Variants in STXBP6 observed in about 807,000 individuals in gnomAD.
STXBP6 encodes the protein syntaxin binding protein 6.
STXBP6 carries 21 observed loss-of-function variants against 26.9 expected under a neutral mutation model. That is an observed-to-expected ratio of 0.78 (90% CI 0.55 to 1.12). STXBP6 has a LOEUF of 1.12. Among genes scored for constraint, STXBP6 ranks in the 50% most tolerant of loss-of-function variants. The pLI is 0.00. For missense variants in STXBP6, 232 were observed against 257.9 expected (o/e 0.90, Z 0.69); for synonymous variants, 97 against 92.6 (o/e 1.05, Z -0.27).
chr14:24,815,486 T>C (rs1358357355), intron 5 of STXBP6, among the ~76,000 whole-genome samples: 1 of 148,732 alleles, frequency 6.7e-6, no homozygotes, highest in African/African-American at 2.4e-5. Flanking sequence ...AGTATTATTT[T>C]ATAATAATAT....
chr14:24,870,484 T>C (rs1022720337), intron 2 of STXBP6, among the ~76,000 whole-genome samples: 1 of 152,170 alleles, frequency 6.6e-6, no homozygotes, highest in African/African-American at 2.4e-5. Context: ...TGGGAAGATA[T>C]CTCAAGACGT....
At chr14:24,933,616 G>A (rs902520439) in intron 2 of STXBP6, among the ~76,000 whole-genome samples, 3 of 151,282 alleles carry the variant, frequency 2.0e-5, no homozygotes, top group East Asian at 1.9e-4. Context: ...TTTTGCAGTC[G>A]ACACACTTTC....
chr14:25,023,661 A>C (rs970489584), intron 1 of STXBP6, among the ~76,000 whole-genome samples: 1 of 152,074 alleles, frequency 6.6e-6, no homozygotes, highest in Non-Finnish European at 1.5e-5. Context: ...AAAAAAAATT[A>C]TAAATAAGCC....
chr14:24,906,326 CAGAT>C (rs1048244934), intron 2 of STXBP6, among the ~76,000 whole-genome samples: 7 of 152,022 alleles, frequency 4.6e-5, no homozygotes, highest in East Asian at 3.9e-4. Flanking sequence ...ATTTAAAACT[CAGAT>C]AGGTGTATGG....
intron 2 of STXBP6, among the ~76,000 whole-genome samples, chr14:24,901,502 C>A (rs1200361191): frequency 6.6e-6 from 1 of 152,166 alleles, no homozygotes; most frequent in East Asian, 1.9e-4. Context: ...CATAATGCAG[C>A]AATTCTACTC....
At chr14:24,992,468 T>C (rs1401317511) in intron 1 of STXBP6, among the ~76,000 whole-genome samples, 1 of 152,112 alleles carries the variant, frequency 6.6e-6, no homozygotes, top group Non-Finnish European at 1.5e-5. Flanking sequence ...AAACACCTAA[T>C]GCAGGACCAT....
chr14:24,846,091 G>A (rs1452825277), intron 4 of STXBP6, among the ~76,000 whole-genome samples: 1 of 152,040 alleles, frequency 6.6e-6, no homozygotes, highest in Non-Finnish European at 1.5e-5. Context: ...TGTTTTGCTG[G>A]GTGCCCCCAA....
At chr14:24,995,177 C>T (rs1244960303) in intron 1 of STXBP6, among the ~76,000 whole-genome samples, 1 of 152,140 alleles carries the variant, frequency 6.6e-6, no homozygotes, top group Non-Finnish European at 1.5e-5. Flanking sequence ...TAGATGGTGC[C>T]TTGTAGCTGT....
intron 1 of STXBP6, among the ~76,000 whole-genome samples, chr14:25,014,869 G>A (rs1269116990): frequency 1.3e-5 from 2 of 152,158 alleles, no homozygotes; most frequent in Admixed American, 1.3e-4. Context: ...CTTGGATATA[G>A]GGAATATGAG....
chr14:24,813,133 A>T (rs1187159236), intron 5 of STXBP6, among the ~76,000 whole-genome samples: 2 of 152,148 alleles, frequency 1.3e-5, no homozygotes, highest in Admixed American at 1.3e-4. Flanking sequence ...CTGGCATCTC[A>T]TGAAGTATTA....
chr14:24,910,450 T>C (rs898471192), intron 2 of STXBP6, among the ~76,000 whole-genome samples: 4 of 152,192 alleles, frequency 2.6e-5, no homozygotes, highest in African/African-American at 9.7e-5. Context: ...CTTTAAACAA[T>C]CATCTAATAA....
chr14:25,019,581 A>G (rs554348203), intron 1 of STXBP6, among the ~76,000 whole-genome samples: 2 of 152,362 alleles, frequency 1.3e-5, no homozygotes, highest in South Asian at 2.1e-4. Flanking sequence ...GCTGTAAGCT[A>G]TAAGACATTT....
At chr14:24,878,671 C>T (rs74347688) in intron 2 of STXBP6, 16,958 of 293,642 alleles carry the variant, frequency 0.058, 640 homozygotes, top group East Asian at 0.13. Flanking sequence ...TCCACCACTA[C>T]AATGTGATAA....
In STXBP6 at chr14:24,811,141, A is replaced by T. The variant is rs2067812263; in HGVS notation, c.*1568T>A. ...AGGATTCTGAAATCTGTCTCCGACA[A>T]ATCTCATCTCCCTTTTAATGTGCAC... On this transcript the variant is annotated 3_prime_UTR_variant, in exon 6 of 6. Transcript: ENST00000323944. 1 of 152,078 alleles carries T rather than the reference A, an allele frequency of 6.6e-6. No homozygotes were observed. Among genetic ancestry groups the T allele is most frequent in the African/African-American group, 2.4e-5 (1 of 41,400 alleles). 9.4% of individuals were successfully genotyped at this position (152,078 alleles called of 1,614,324 possible).
intron 2 of STXBP6, among the ~76,000 whole-genome samples, chr14:24,881,840 T>C (rs951915256): frequency 1.3e-5 from 2 of 152,178 alleles, no homozygotes; most frequent in East Asian, 1.9e-4. Context: ...GGGCTAGTGG[T>C]TGGCTGGAGC....
At chr14:24,907,003 A>G (rs1271983601) in intron 2 of STXBP6, among the ~76,000 whole-genome samples, 1 of 152,190 alleles carries the variant, frequency 6.6e-6, no homozygotes, top group Non-Finnish European at 1.5e-5. Context: ...GTGGTTAACA[A>G]AAGCTGGGAA....
At chr14:24,934,573 A>G (rs919911947) in intron 2 of STXBP6, among the ~76,000 whole-genome samples, 1 of 152,204 alleles carries the variant, frequency 6.6e-6, no homozygotes, top group East Asian at 1.9e-4. Flanking sequence ...CTGAATAAAA[A>G]TAAAGGCTAA....
At chr14:24,917,026 C>T (rs2071793091) in intron 2 of STXBP6, among the ~76,000 whole-genome samples, 1 of 152,022 alleles carries the variant, frequency 6.6e-6, no homozygotes, top group African/African-American at 2.4e-5. Flanking sequence ...TCAGCCCCAA[C>T]ATTTAGAAAC....
At chr14:24,947,876 A>C (rs1321235317) in intron 2 of STXBP6, among the ~76,000 whole-genome samples, 2 of 152,166 alleles carry the variant, frequency 1.3e-5, no homozygotes, top group Non-Finnish European at 2.9e-5. Context: ...TCCACACTCT[A>C]AAGTATCATC....
Sources: allele counts gnomAD v4.1 joint callset (sites outside exome capture counted in the v4.1 genomes callset), GRCh38; gene constraint gnomAD v4.1.1; transcripts MANE v1.5; gene names NCBI Gene and HGNC (gene_info 2026-07-23, HGNC 2026-07-21).